Variants in MIER1 observed in about 807,000 individuals in gnomAD.
MIER1 encodes the protein MIER1 transcriptional regulator, also known as mesoderm induction early response protein 1.
A neutral mutation model predicts 75.7 loss-of-function variants in MIER1; 40 were observed. The observed-to-expected ratio is 0.53, with a 90% CI of 0.41 to 0.69. The LOEUF (loss-of-function observed/expected upper bound fraction) is 0.69, where lower values mean the gene tolerates loss of function less well. Ranked by LOEUF, MIER1 falls within the 30% of genes least tolerant of loss-of-function variation. The probability of loss-of-function intolerance (pLI) is 0.00; values close to 1 mark genes in which losing one functional copy is unlikely to be tolerated. For synonymous variants in MIER1, 213 were observed against 223.4 expected, an observed-to-expected ratio of 0.95 and a Z score of 0.42; for missense variants, 574 against 680.2, an observed-to-expected ratio of 0.84 and a Z score of 1.74.
At chr1:66,973,141 C>T in intron 11 of MIER1, 150 bp downstream of exon 11, 1 of 575,070 alleles carries the variant, frequency 1.7e-6, no homozygotes, top group Non-Finnish European at 3.1e-6. Flanking sequence ...TATAGTAAGG[C>T]TGCCTATACT....
chr1:66,985,772 T>A lies in MIER1; in HGVS notation c.*872T>A, dbSNP rs966785171. 2.1e-6 allele frequency: 2 copies of A among 948,744 alleles called. No homozygotes were observed. The highest frequency in any genetic ancestry group is 3.6e-5 in the African/African-American group (2 of 56,288). The allele number at this position is 948,744 out of a possible 1,614,324, so 58.8% of individuals were successfully genotyped here. A position where few individuals can be genotyped will look rare whatever the true frequency, so the allele number is the denominator to read the frequency against. The stretch of plus-strand genomic sequence containing the variant: ...GTGTTTGTGTAGTAATTAAGTCATA[T>A]TTCTTATCCAGGTGGTTAAAGCATT... On this transcript the variant is annotated 3_prime_UTR_variant, in exon 14 of 14. Coordinates refer to ENST00000401041, the MANE Select transcript of MIER1 (RefSeq NM_001077700.3).
At chr1:66,946,707 C>T (rs1207088338) in intron 4 of MIER1, 1 of 986,830 alleles carries the variant, frequency 1.0e-6, no homozygotes, top group East Asian at 1.1e-4. Flanking sequence ...AGATTATCTC[C>T]ACTACATAAA....
At chr1:66,959,063 G>C in intron 6 of MIER1, 80 bp downstream of exon 6, 1 of 1,163,556 alleles carries the variant, frequency 8.6e-7, no homozygotes, top group South Asian at 1.4e-5. Context: ...TTTTAAACTG[G>C]TCTTTGAATT....
chr1:66,971,541 G>C (rs1389814359), intron 9 of MIER1, 114 bp from the exon 10 acceptor site: 3 of 601,580 alleles, frequency 5.0e-6, no homozygotes, highest in African/African-American at 3.9e-5. Context: ...ATTCACTAAA[G>C]TTATTTGCCC....
chr1:66,925,428 G>A, intron 1 of MIER1: 2 of 985,432 alleles, frequency 2.0e-6, no homozygotes, highest in Non-Finnish European at 2.4e-6. Flanking sequence ...TCCCAGTCGG[G>A]GTGGGGCTAA....
At chr1:66,954,908 C>G (rs2985830) in intron 4 of MIER1, among the ~76,000 whole-genome samples, 118,779 of 151,918 alleles carry the variant, frequency 0.78, 46,791 homozygotes, top group East Asian at 0.88. Flanking sequence ...GGGGTTTTGC[C>G]TTGTTGGCCA....
At chr1:66,949,400 A>AT (rs1457173349) in intron 4 of MIER1, among the ~76,000 whole-genome samples, 1 of 152,134 alleles carries the variant, frequency 6.6e-6, no homozygotes, top group Non-Finnish European at 1.5e-5. Flanking sequence ...CCAGCCCCAT[A>AT]TAGTGCCTTA....
At chr1:66,936,456 C>T (rs1055694389) in intron 2 of MIER1, among the ~76,000 whole-genome samples, 3 of 151,974 alleles carry the variant, frequency 2.0e-5, no homozygotes, top group Non-Finnish European at 4.4e-5. Flanking sequence ...TGGTCTCGAA[C>T]CCCTGACCTA....
At chr1:66,928,550 A>G (rs575469733) in intron 2 of MIER1, among the ~76,000 whole-genome samples, 1 of 152,282 alleles carries the variant, frequency 6.6e-6, no homozygotes, top group South Asian at 2.1e-4. Flanking sequence ...TTGTGTCTGT[A>G]CCCACCTCAG....
intron 9 of MIER1, among the ~76,000 whole-genome samples, chr1:66,971,256 G>C (rs753041371): frequency 1.3e-5 from 2 of 151,900 alleles, no homozygotes; most frequent in African/African-American, 4.8e-5. Context: ...TTCTCACCTC[G>C]GATTATCTTA....
intron 2 of MIER1, chr1:66,930,255 C>G: frequency 6.6e-7 from 1 of 1,505,240 alleles, no homozygotes. Flanking sequence ...GGCTCCTGCG[C>G]GTTCCCGCCG....
At chr1:66,953,331 C>A (rs1324362934) in intron 4 of MIER1, among the ~76,000 whole-genome samples, 1 of 152,184 alleles carries the variant, frequency 6.6e-6, no homozygotes, top group Non-Finnish European at 1.5e-5. Context: ...AGCAGGAACA[C>A]AAATACATGC....
At position 66,972,261 on chromosome 1, in the gene MIER1, TA is replaced by T. The variant is rs1558100406; in HGVS notation, c.1006+526del. On this transcript the variant is annotated intron_variant, in intron 10 of 13. Transcript: ENST00000401041. ...ATATATATATATATATATATATATATAGATATGTAACAAATGAGAGATATTT... is the reference window on the plus strand; with the variant it reads ...ATATATATATATATATATATATATATGATATGTAACAAATGAGAGATATTT... Among the ~76,000 whole-genome samples the T allele has an allele frequency of 9.3e-5, 5 of 53,634 alleles. 1 individual carries two copies. Among genetic ancestry groups the T allele is most frequent in the Non-Finnish European group, 1.2e-4 (3 of 24,780 alleles). 35.2% of individuals were successfully genotyped at this position (53,634 alleles called of 152,430 possible). A position where few individuals can be genotyped will look rare whatever the true frequency, so the allele number is the denominator to read the frequency against.
At chr1:66,932,920 A>C (rs1166826774) in intron 2 of MIER1, 1 of 152,112 alleles carries the variant, frequency 6.6e-6, no homozygotes, top group African/African-American at 2.4e-5. Context: ...TTAATTCTTG[A>C]ATAGAAAGTG....
At chr1:66,984,489 C>T in intron 13 of MIER1, 83 bp from the exon 14 acceptor site, 1 of 996,606 alleles carries the variant, frequency 1.0e-6, no homozygotes, top group East Asian at 2.4e-5. Context: ...TCCTTGATAA[C>T]AATAACTACA....
chr1:66,934,107 T>C (rs1215747822), intron 2 of MIER1, among the ~76,000 whole-genome samples: 1 of 152,194 alleles, frequency 6.6e-6, no homozygotes, highest in African/African-American at 2.4e-5. Flanking sequence ...CCCAAAAAAT[T>C]GTTTTTGCAA....
At chr1:66,983,068 G>A (rs1666214805) in intron 13 of MIER1, among the ~76,000 whole-genome samples, 1 of 152,170 alleles carries the variant, frequency 6.6e-6, no homozygotes, top group Non-Finnish European at 1.5e-5. Flanking sequence ...AGAACATGCT[G>A]TTAGGCTAGG....
chr1:66,967,644 ATT>A (rs34847834), intron 8 of MIER1, among the ~76,000 whole-genome samples: 51 of 142,650 alleles, frequency 3.6e-4, no homozygotes, highest in Non-Finnish European at 3.1e-4. Context: ...ATATCATTCC[ATT>A]TTTTTTTTTT....
At chr1:66,946,801 C>G in intron 4 of MIER1, 1 of 985,008 alleles carries the variant, frequency 1.0e-6, no homozygotes, top group Non-Finnish European at 1.2e-6. Context: ...TCACTTTTCT[C>G]TCACTACCTT....
Sources: gnomAD v4.1 joint callset for allele counts (sites outside exome capture counted in the v4.1 genomes callset) on GRCh38, gnomAD v4.1.1 for gene constraint, MANE v1.5 for transcripts, NCBI Gene and HGNC (gene_info 2026-07-23, HGNC 2026-07-21) for gene names.